Variants in OTUD7B observed in about 807,000 individuals in gnomAD.
The protein encoded by OTUD7B is OTU domain-containing protein 7B.
OTUD7B carries 34 observed loss-of-function variants against 82.2 expected under a neutral mutation model. The observed-to-expected ratio is 0.41, with a 90% CI of 0.31 to 0.55. The LOEUF is 0.55. Ranked by LOEUF, OTUD7B falls within the 20% of genes least tolerant of loss-of-function variation. The pLI is 0.20. For synonymous variants in OTUD7B, 398 were observed against 402.7 expected (o/e 0.99, Z 0.14); for missense variants, 944 against 1,062.1 (o/e 0.89, Z 1.55).
intron 11 of OTUD7B, among the ~76,000 whole-genome samples, chr1:149,945,705 AAGACTT>A (rs1167781305): frequency 6.6e-6 from 1 of 152,176 alleles, no homozygotes; most frequent in Non-Finnish European, 1.5e-5. Context: ...CTATCTACAG[AAGACTT>A]TGGACGAAAT....
At chr1:150,017,763 G>A in the OTUD7B span, among the ~76,000 whole-genome samples, 1 of 152,192 alleles carries the variant, frequency 6.6e-6, no homozygotes, top group African/African-American at 2.4e-5. Flanking sequence ...TTGCTTTGGG[G>A]CATTTACTTG....
At chr1:149,984,310 C>T (rs1229950027) in intron 1 of OTUD7B, among the ~76,000 whole-genome samples, 1 of 152,128 alleles carries the variant, frequency 6.6e-6, no homozygotes, top group African/African-American at 2.4e-5. Context: ...TATTTGTTGG[C>T]GGTTACTCTC....
intron 1 of OTUD7B, among the ~76,000 whole-genome samples, chr1:149,995,402 A>AAC (rs1651858630): frequency 6.6e-6 from 1 of 152,128 alleles, no homozygotes; most frequent in Non-Finnish European, 1.5e-5. Context: ...AACATGGGGA[A>AAC]ACCCTGTCTC....
At chr1:149,978,753 A>G (rs587693639) in intron 1 of OTUD7B, among the ~76,000 whole-genome samples, 2 of 152,288 alleles carry the variant, frequency 1.3e-5, no homozygotes, top group South Asian at 4.1e-4. Flanking sequence ...CCAATCCAAC[A>G]TTCCTCTGAG....
chr1:149,980,531 G>A lies in OTUD7B; in HGVS notation c.-66-2955C>T, dbSNP rs147907641. On this transcript the variant is annotated intron_variant, in intron 1 of 11. Coordinates refer to ENST00000581312, the MANE Select transcript of OTUD7B (RefSeq NM_020205.4). ...AGGTCAGGAGTTTGAAACCAGCCAG[G>A]CCAACATGGTGAAACCCTGTCTCTA... Among the ~76,000 whole-genome samples the A allele has an allele frequency of 1.4e-3, 210 of 151,844 alleles. 2 individuals are homozygous for A. Among genetic ancestry groups the A allele is most frequent in the Admixed American group, 0.012 (177 of 15,230 alleles).
At chr1:149,983,909 T>C (rs1650958952) in intron 1 of OTUD7B, among the ~76,000 whole-genome samples, 1 of 152,144 alleles carries the variant, frequency 6.6e-6, no homozygotes, top group Non-Finnish European at 1.5e-5. Context: ...AATGGATAGA[T>C]TCCACTTTAT....
At chr1:150,038,749 T>C in the OTUD7B span, among the ~76,000 whole-genome samples, 1 of 152,206 alleles carries the variant, frequency 6.6e-6, no homozygotes, top group Non-Finnish European at 1.5e-5. Context: ...ATTATGGCAC[T>C]TCATGATTTT....
intron 1 of OTUD7B, among the ~76,000 whole-genome samples, chr1:150,003,345 G>C (rs1652435256): frequency 6.6e-6 from 1 of 151,764 alleles, no homozygotes; most frequent in Admixed American, 6.6e-5. Flanking sequence ...TAATGATTAA[G>C]TAAAAGTTAC....
the OTUD7B span, among the ~76,000 whole-genome samples, chr1:150,039,824 A>C: frequency 2.0e-5 from 3 of 152,194 alleles, no homozygotes; most frequent in Non-Finnish European, 4.4e-5. Flanking sequence ...ATTGTGGCAT[A>C]AGAGCAGATA....
At chr1:150,054,936 G>A in the OTUD7B span, 1 of 299,070 alleles carries the variant, frequency 3.3e-6, no homozygotes, top group Non-Finnish European at 6.8e-6. Context: ...TGGACTCACA[G>A]ATTTTAACCA....
At chr1:149,960,997 G>T (rs1649119999) in intron 6 of OTUD7B, 1 of 126,652 alleles carries the variant, frequency 7.9e-6, no homozygotes, top group Non-Finnish European at 1.6e-5. Flanking sequence ...AACGATCTCA[G>T]CTCACTGCAA....
chr1:149,974,244 T>C (rs1553778163), intron 2 of OTUD7B, among the ~76,000 whole-genome samples: 2 of 152,142 alleles, frequency 1.3e-5, no homozygotes, highest in Non-Finnish European at 2.9e-5. Flanking sequence ...TTTTTTGTAT[T>C]TTTCCTTCTA....
chr1:149,957,531 C>T (rs1312683033), intron 7 of OTUD7B, among the ~76,000 whole-genome samples: 9 of 152,194 alleles, frequency 5.9e-5, no homozygotes, highest in African/African-American at 1.9e-4. Context: ...TCTCAAACCG[C>T]GTGCTGGGAG....
the OTUD7B span, among the ~76,000 whole-genome samples, chr1:150,040,321 C>T: frequency 3.3e-5 from 5 of 152,190 alleles, no homozygotes; most frequent in South Asian, 8.3e-4. Flanking sequence ...TTCAATTCAA[C>T]AAATATTCAT....
At chr1:150,020,708 T>C in the OTUD7B span, among the ~76,000 whole-genome samples, 1 of 152,226 alleles carries the variant, frequency 6.6e-6, no homozygotes, top group African/African-American at 2.4e-5. Flanking sequence ...GTTTCTCTGC[T>C]ATTTCTGAAA....
the OTUD7B span, among the ~76,000 whole-genome samples, chr1:150,065,654 G>A: frequency 6.6e-6 from 1 of 152,152 alleles, no homozygotes; most frequent in Non-Finnish European, 1.5e-5. Context: ...TATCCTGGAT[G>A]AGTCACAAAG....
the OTUD7B span, among the ~76,000 whole-genome samples, chr1:150,017,474 T>C: frequency 0.13 from 20,262 of 152,200 alleles, 1,884 homozygotes; most frequent in East Asian, 0.33. Flanking sequence ...TTCCTTAGGC[T>C]ATGAGGAGAG....
chr1:150,062,871 C>A, the OTUD7B span, among the ~76,000 whole-genome samples: 27 of 151,552 alleles, frequency 1.8e-4, no homozygotes, highest in African/African-American at 2.2e-4. Context: ...TGCACCACCA[C>A]GCCCGGCTAA....
At chr1:150,037,247 C>CTT in the OTUD7B span, among the ~76,000 whole-genome samples, 3 of 12,106 alleles carry the variant, frequency 2.5e-4, no homozygotes, top group African/African-American at 1.2e-3. Context: ...ACAAAATACC[C>CTT]TCTTTTTTTT....
Sources: allele counts gnomAD v4.1 joint callset (sites outside exome capture counted in the v4.1 genomes callset), GRCh38; gene constraint gnomAD v4.1.1; transcripts MANE v1.5; gene names NCBI Gene and HGNC (gene_info 2026-07-23, HGNC 2026-07-21).